Variants in CAMK2D observed in about 807,000 individuals in gnomAD.
The protein encoded by CAMK2D is calcium/calmodulin dependent protein kinase II delta.
CAMK2D carries 37 observed loss-of-function variants against 84.0 expected under a neutral mutation model. The observed-to-expected ratio is 0.44, with a 90% CI of 0.34 to 0.58. The LOEUF is 0.58. CAMK2D is among the 20% of genes least tolerant of loss of function. CAMK2D has a pLI of 0.02. For missense variants in CAMK2D, 448 were observed against 652.5 expected (o/e 0.69, Z 3.41); for synonymous variants, 202 against 212.5 (o/e 0.95, Z 0.43).
intron 2 of CAMK2D, among the ~76,000 whole-genome samples, chr4:113,741,943 C>T (rs2099593959): frequency 6.6e-6 from 1 of 152,212 alleles, no homozygotes; most frequent in African/African-American, 2.4e-5. Context: ...GTTAATGCCT[C>T]AGCTCAAATG....
intron 4 of CAMK2D, among the ~76,000 whole-genome samples, chr4:113,604,331 T>C (rs2098968559): frequency 6.6e-6 from 1 of 152,226 alleles, no homozygotes; most frequent in South Asian, 2.1e-4. Context: ...TCATAGATTA[T>C]TGCTGCAATG....
intron 4 of CAMK2D, among the ~76,000 whole-genome samples, chr4:113,593,845 A>C (rs559070086): frequency 1.4e-4 from 21 of 152,188 alleles, no homozygotes; most frequent in African/African-American, 4.8e-4. Flanking sequence ...TAAATATAGG[A>C]CTACAGAATG....
chr4:113,594,534 C>A (rs1343933555), intron 4 of CAMK2D, among the ~76,000 whole-genome samples: 1 of 152,070 alleles, frequency 6.6e-6, no homozygotes, highest in Non-Finnish European at 1.5e-5. Flanking sequence ...AGATGCCATG[C>A]AAGAACAGGT....
At chr4:113,699,269 T>C (rs2099411421) in intron 2 of CAMK2D, among the ~76,000 whole-genome samples, 1 of 152,174 alleles carries the variant, frequency 6.6e-6, no homozygotes, top group Non-Finnish European at 1.5e-5. Context: ...TTTGTTTATC[T>C]GATAGTTTTT....
intron 4 of CAMK2D, among the ~76,000 whole-genome samples, chr4:113,591,398 TA>T (rs1239816816): frequency 3.3e-5 from 5 of 152,182 alleles, no homozygotes; most frequent in Admixed American, 1.3e-4. Flanking sequence ...CAGATCCAAT[TA>T]ATCATCATAT....
At chr4:113,509,896 G>C (rs2098187502) in intron 12 of CAMK2D, among the ~76,000 whole-genome samples, 1 of 152,220 alleles carries the variant, frequency 6.6e-6, no homozygotes, top group African/African-American at 2.4e-5. Context: ...CTAAAGAGTA[G>C]TTCGTTGCAT....
intron 19 of CAMK2D, 55 bp from the exon 20 acceptor site, chr4:113,455,876 T>C: frequency 1.9e-6 from 2 of 1,045,584 alleles, no homozygotes; most frequent in South Asian, 1.3e-5. Flanking sequence ...TTTTCTTGAA[T>C]AGGCTTCATC....
intron 2 of CAMK2D, among the ~76,000 whole-genome samples, chr4:113,740,280 T>C (rs1461425979): frequency 6.6e-6 from 1 of 152,044 alleles, no homozygotes; most frequent in African/African-American, 2.4e-5. Context: ...GATGAACTGA[T>C]AAACAAAATG....
chr4:113,492,525 G>T (rs144616421), intron 16 of CAMK2D, among the ~76,000 whole-genome samples: 4,312 of 152,066 alleles, frequency 0.028, 199 homozygotes, highest in African/African-American at 0.096. Flanking sequence ...TATAATTTCT[G>T]TTCTTTTACA....
intron 16 of CAMK2D, among the ~76,000 whole-genome samples, chr4:113,495,018 C>A (rs2154143806): frequency 6.6e-6 from 1 of 152,278 alleles, no homozygotes; most frequent in African/African-American, 2.4e-5. Flanking sequence ...GTGCGCGCAC[C>A]CACTGACCTG....
intron 3 of CAMK2D, among the ~76,000 whole-genome samples, chr4:113,645,237 C>T (rs566018566): frequency 2.0e-5 from 3 of 152,166 alleles, no homozygotes; most frequent in East Asian, 3.9e-4. Flanking sequence ...AGGATGGTCT[C>T]GATCTCCTGA....
intron 16 of CAMK2D, among the ~76,000 whole-genome samples, chr4:113,466,530 T>C (rs1042179345): frequency 2.0e-5 from 3 of 152,332 alleles, no homozygotes; most frequent in Middle Eastern, 3.4e-3. Context: ...ACACTGTGAC[T>C]GGCCTTTGTT....
intron 2 of CAMK2D, among the ~76,000 whole-genome samples, chr4:113,720,233 C>A (rs1476748340): frequency 6.6e-6 from 1 of 151,852 alleles, no homozygotes; most frequent in Non-Finnish European, 1.5e-5. Flanking sequence ...ACCTGTGCCA[C>A]CAGTTAAAGG....
At chr4:113,472,492 T>A (rs1204072187) in intron 16 of CAMK2D, among the ~76,000 whole-genome samples, 1 of 152,236 alleles carries the variant, frequency 6.6e-6, no homozygotes, top group Non-Finnish European at 1.5e-5. Flanking sequence ...AGTCAATGTT[T>A]ACATTTAATA....
chr4:113,518,515 A>G (rs1231294606), intron 8 of CAMK2D, among the ~76,000 whole-genome samples: 1 of 152,180 alleles, frequency 6.6e-6, no homozygotes, highest in Non-Finnish European at 1.5e-5. Flanking sequence ...TCTGTCATCA[A>G]ATATCTCTCC....
At chr4:113,557,419 T>C (rs1009071974) in intron 4 of CAMK2D, among the ~76,000 whole-genome samples, 2 of 152,172 alleles carry the variant, frequency 1.3e-5, no homozygotes, top group Non-Finnish European at 2.9e-5. Flanking sequence ...CTTCCTCCAG[T>C]TCCTCAAGCA....
chr4:113,517,406 A>T (rs17046156), intron 9 of CAMK2D, among the ~76,000 whole-genome samples, 157 bp downstream of exon 9: 1,583 of 152,320 alleles, frequency 0.01, 38 homozygotes, highest in African/African-American at 0.036. Context: ...ACTGGATACA[A>T]ATGCTGCATT....
At chr4:113,727,987 G>A (rs1342149545) in intron 2 of CAMK2D, among the ~76,000 whole-genome samples, 3 of 152,052 alleles carry the variant, frequency 2.0e-5, no homozygotes, top group East Asian at 1.9e-4. Flanking sequence ...CCACTAGAAC[G>A]GCTAAAACAA....
chr4:113,691,024 A>G (rs1414027120), intron 2 of CAMK2D, among the ~76,000 whole-genome samples: 1 of 152,220 alleles, frequency 6.6e-6, no homozygotes, highest in Non-Finnish European at 1.5e-5. Flanking sequence ...AAGCAGAGTA[A>G]TTAAGATTCA....
Sources: gnomAD v4.1 joint callset for allele counts (sites outside exome capture counted in the v4.1 genomes callset) on GRCh38, gnomAD v4.1.1 for gene constraint, MANE v1.5 for transcripts, NCBI Gene and HGNC (gene_info 2026-07-23, HGNC 2026-07-21) for gene names.